The following FAM135A variants were observed in gnomAD, a reference collection of about 807,000 sequenced individuals.
FAM135A encodes the protein protein FAM135A.
FAM135A carries 79 observed loss-of-function variants against 146.8 expected under a neutral mutation model. The ratio of observed to expected loss-of-function variants is 0.54; its 90% CI spans 0.45 to 0.65. FAM135A has a LOEUF of 0.65. FAM135A is among the 30% of genes least tolerant of loss of function. The pLI is 0.00. For missense variants in FAM135A, 1,623 were observed against 1,758.2 expected, an observed-to-expected ratio of 0.92 and a Z score of 1.38; for synonymous variants, 562 against 603.6, an observed-to-expected ratio of 0.93 and a Z score of 1.01.
At chr6:70,512,806 C>CT (rs1342381939) in intron 12 of FAM135A, among the ~76,000 whole-genome samples, 1 of 151,654 alleles carries the variant, frequency 6.6e-6, no homozygotes, top group Non-Finnish European at 1.5e-5. Context: ...TACAATTTAT[C>CT]TTTTTTTCTT....
At chr6:70,488,670 AAC>A (rs1163233290) in intron 10 of FAM135A, among the ~76,000 whole-genome samples, 2 of 152,222 alleles carry the variant, frequency 1.3e-5, no homozygotes, top group Non-Finnish European at 2.9e-5. Context: ...AGATAACATA[AAC>A]AGTTGATTAA....
At chr6:70,470,109 A>G (rs774886979) in intron 5 of FAM135A, among the ~76,000 whole-genome samples, 17 of 152,304 alleles carry the variant, frequency 1.1e-4, no homozygotes, top group Non-Finnish European at 1.2e-4. Flanking sequence ...ATGAGGTTTG[A>G]GAGTTGACCT....
chr6:70,548,063 A>G (rs1799168985), intron 20 of FAM135A, among the ~76,000 whole-genome samples: 1 of 152,196 alleles, frequency 6.6e-6, no homozygotes, highest in Non-Finnish European at 1.5e-5. Context: ...GACTTCAGAC[A>G]TTTTTGTTGG....
rs1285293494 is a variant in FAM135A at position 70,455,424 on chromosome 6, ATGTGTATGTG to A, written c.157+2861_157+2870del. Among the ~76,000 whole-genome samples, 5 of 152,066 alleles carry A rather than the reference ATGTGTATGTG, an allele frequency of 3.3e-5. No homozygotes were observed. The East Asian group carries it at 7.7e-4, about 24-fold the overall frequency. ...CACACACACACACACGTATATATAC[ATGTGTATGTG>A]TGTGTATATGTATATATATTTTGTA... On this transcript the variant is annotated intron_variant, in intron 5 of 21. Coordinates refer to ENST00000418814, the MANE Select transcript of FAM135A (RefSeq NM_001162529.3).
chr6:70,528,311 G>A lies in FAM135A; in HGVS notation c.3634G>A (p.Glu1212Lys). The change falls in exon 16 of 22, where the codon GAA (glutamate) becomes AAA (lysine). Residue 1212 changes from glutamate to lysine, a missense_variant. Around this residue, in one of 7 missense-constraint regions of FAM135A, gnomAD observed 1,061 missense variants for 1,113.8 expected, o/e 0.95. Transcript: ENST00000418814. ...CTTCAGCTTCCTTCAGGCAAAAGAA[G>A]AACTGAAGCTACTAAAACTTCCTGG... ...QIQAFLQAKE[E>K]LKLLKLPGFM... 1 of 1,610,418 alleles carries A rather than the reference G, an allele frequency of 6.2e-7. No individual in the cohort carries two copies. The highest frequency in any genetic ancestry group is 8.5e-7 in the Non-Finnish European group (1 of 1,178,854).
At chr6:70,506,360 T>C (rs1789764450) in intron 12 of FAM135A, among the ~76,000 whole-genome samples, 1 of 152,116 alleles carries the variant, frequency 6.6e-6, no homozygotes, top group African/African-American at 2.4e-5. Flanking sequence ...AAAACAAGAA[T>C]CAACTTTTTC....
intron 12 of FAM135A, among the ~76,000 whole-genome samples, chr6:70,507,407 T>C (rs1303345251): frequency 1.3e-5 from 2 of 152,146 alleles, no homozygotes; most frequent in African/African-American, 4.8e-5. Context: ...AGGGACAGAC[T>C]TAGCTACAAT....
intron 12 of FAM135A, among the ~76,000 whole-genome samples, chr6:70,519,308 T>C (rs1793016841): frequency 1.3e-5 from 2 of 152,218 alleles, no homozygotes; most frequent in Non-Finnish European, 2.9e-5. Context: ...TTGCTTCTTA[T>C]GGATGAACAG....
intron 16 of FAM135A, 33 bp from the exon 17 acceptor site, chr6:70,533,127 C>G (rs751662250): frequency 6.5e-7 from 1 of 1,537,394 alleles, no homozygotes; most frequent in African/African-American, 1.4e-5. Context: ...TTTACTTTAT[C>G]TCATCCTTTA....
Position 70,525,597 on chromosome 6 carries a change from C to T in FAM135A, c.2513C>T (p.Thr838Ile), listed in dbSNP as rs1794533265. 1 of 1,613,550 alleles carries T rather than the reference C, an allele frequency of 6.2e-7. No individual in the cohort carries two copies. Residue 838 changes from threonine (T) to isoleucine (I), a missense_variant, in exon 15 of 22, where the codon ACA becomes ATA. Physicochemically the swap from Thr to Ile is moderately conservative, Grantham distance 89. Transcript: ENST00000418814. ...SAISEIQSSL[T>I]SINSLPSDDE... ...ATAAGTGAAATACAGTCATCTTTGA[C>T]ATCCATAAACTCTCTACCCTCCGAT...
intron 8 of FAM135A, among the ~76,000 whole-genome samples, chr6:70,479,166 ATTCATAGGAGG>A (rs1272198975): frequency 6.6e-6 from 1 of 152,152 alleles, no homozygotes; most frequent in Admixed American, 6.6e-5. Flanking sequence ...TGCACAAACA[ATTCATAGGAGG>A]TTAGCTCAGG....
intron 2 of FAM135A, chr6:70,417,678 A>G (rs1767857183): frequency 1.0e-6 from 1 of 955,556 alleles, no homozygotes; most frequent in Non-Finnish European, 1.2e-6. Flanking sequence ...TAACTATGAC[A>G]CTTGCTCTTT....
At chr6:70,550,813 G>A (rs1799688188) in intron 20 of FAM135A, among the ~76,000 whole-genome samples, 1 of 152,142 alleles carries the variant, frequency 6.6e-6, no homozygotes, top group Non-Finnish European at 1.5e-5. Flanking sequence ...TTCAATAGAA[G>A]GCAATTTTTT....
At chr6:70,526,811 A>ATC in intron 15 of FAM135A, 113 bp downstream of exon 15, 1 of 848,710 alleles carries the variant, frequency 1.2e-6, no homozygotes, top group Non-Finnish European at 1.7e-6. Flanking sequence ...ACATATATAT[A>ATC]TAAAATCATA....
intron 8 of FAM135A, among the ~76,000 whole-genome samples, chr6:70,477,626 A>G (rs957349301): frequency 2.0e-5 from 3 of 152,124 alleles, no homozygotes; most frequent in Non-Finnish European, 4.4e-5. Context: ...CTCACTCACT[A>G]TCATGAGGAC....
rs2128253194 is a variant in FAM135A, at chr6:70,502,736, T to C, written c.974T>C (p.Ile325Thr). The C allele has an allele frequency of 6.2e-7, 1 of 1,613,222 alleles. No homozygotes were observed. The highest frequency in any genetic ancestry group is 1.3e-5 in the African/African-American group (1 of 75,002). ...TTATGGGGACAGTTTCTGGAAGTTATAACGCTACACGAAGAACTAAGAATA... is the reference window on the plus strand; with the variant it reads ...TTATGGGGACAGTTTCTGGAAGTTACAACGCTACACGAAGAACTAAGAATA... The part of the protein sequence containing the change: ...MALWGQFLEV[I>T]TLHEELRILL... The change falls in exon 12 of 22, where the codon ATA (isoleucine) becomes ACA (threonine). Residue 325 changes from isoleucine (I) to threonine (T), a missense_variant. Physicochemically the swap from Ile to Thr is moderately conservative, Grantham distance 89. This residue lies in a region of FAM135A where 206 missense variants were observed against 194.7 expected (regional missense o/e 1.06). Transcript: ENST00000418814.
In FAM135A at chr6:70,526,024, T is replaced by C; in HGVS notation, c.2940T>C (p.Ile980=). ...TTTGTTTAGGCACTCCTTGTGTCAT[T>C]TCAGGTTCCATTTCTAGTAATACAG... is the stretch of plus-strand genomic sequence containing the variant. ...KLICLGTPCV[I]SGSISSNTDV... Residue 980 remains isoleucine, a synonymous_variant, in exon 15 of 22, where the codon ATT becomes ATC. Transcript: ENST00000418814. 6.2e-7 allele frequency: 1 copy of C among 1,612,198 alleles called. No homozygotes were observed. The highest frequency in any genetic ancestry group is 8.5e-7 in the Non-Finnish European group (1 of 1,179,356).
chr6:70,443,519 C>T (rs1397609764), intron 4 of FAM135A, among the ~76,000 whole-genome samples: 1 of 152,194 alleles, frequency 6.6e-6, no homozygotes, highest in African/African-American at 2.4e-5. Flanking sequence ...ATTGTTCGCA[C>T]AGTGGCGAAA....
At chr6:70,558,031 C>T (rs1801238495) in intron 21 of FAM135A, among the ~76,000 whole-genome samples, 1 of 152,086 alleles carries the variant, frequency 6.6e-6, no homozygotes, top group African/African-American at 2.4e-5. Flanking sequence ...GATAAATGTC[C>T]CTTATTTTAA....
Sources: allele counts gnomAD v4.1 joint callset (sites outside exome capture counted in the v4.1 genomes callset), GRCh38; gene constraint gnomAD v4.1.1; regional missense constraint gnomAD v4.1.1; transcripts MANE v1.5; gene names NCBI Gene and HGNC (gene_info 2026-07-23, HGNC 2026-07-21).